SBF2: variants seen among roughly 807,000 people sequenced by gnomAD.
SBF2 encodes myotubularin-related protein 13.
A neutral mutation model predicts 225.2 loss-of-function variants in SBF2; 112 were observed. The ratio of observed to expected loss-of-function variants is 0.50; its 90% CI spans 0.43 to 0.58. The LOEUF (loss-of-function observed/expected upper bound fraction) is 0.58, where lower values mean the gene tolerates loss of function less well. Among genes scored for constraint, SBF2 ranks in the 20% least tolerant of loss-of-function variants. The probability of loss-of-function intolerance (pLI) is 0.00; values close to 1 mark genes in which losing one functional copy is unlikely to be tolerated. For synonymous variants in SBF2, 763 were observed against 773.3 expected (o/e 0.99, Z 0.22); for missense variants, 1,996 against 2,206.2 (o/e 0.90, Z 1.91).
intron 17 of SBF2, among the ~76,000 whole-genome samples, chr11:9,870,802 C>T (rs1328283133): frequency 4.0e-5 from 6 of 151,878 alleles, no homozygotes; most frequent in Admixed American, 6.6e-5. Context: ...GGTGAAACCC[C>T]GGCTCTACTA....
At chr11:9,907,347 T>C (rs1441006449) in intron 16 of SBF2, among the ~76,000 whole-genome samples, 3 of 152,220 alleles carry the variant, frequency 2.0e-5, no homozygotes, top group Admixed American at 6.5e-5. Flanking sequence ...TATCACCTTC[T>C]ATTCCACATC....
At chr11:9,861,883 T>A (rs994969920) in intron 17 of SBF2, among the ~76,000 whole-genome samples, 1 of 152,158 alleles carries the variant, frequency 6.6e-6, no homozygotes, top group Non-Finnish European at 1.5e-5. Flanking sequence ...CAAAAACTAA[T>A]CTAAATAGTT....
At chr11:10,192,271 G>A (rs1474284718) in intron 2 of SBF2, among the ~76,000 whole-genome samples, 1 of 152,024 alleles carries the variant, frequency 6.6e-6, no homozygotes, top group African/African-American at 2.4e-5. Context: ...CATTTTTAAT[G>A]CCAAAATTCA....
intron 16 of SBF2, among the ~76,000 whole-genome samples, chr11:9,905,348 T>C (rs1405675386): frequency 1.3e-5 from 2 of 152,224 alleles, no homozygotes; most frequent in East Asian, 3.8e-4. Context: ...CCTTTTTGAA[T>C]GTCATACAAA....
chr11:9,855,001 C>G (rs1209062051), intron 19 of SBF2, among the ~76,000 whole-genome samples: 2 of 152,090 alleles, frequency 1.3e-5, no homozygotes, highest in Non-Finnish European at 2.9e-5. Context: ...GAATATCTTA[C>G]AAATTAAACA....
chr11:9,843,428 G>T (rs78433228), intron 24 of SBF2, among the ~76,000 whole-genome samples: 1 of 152,208 alleles, frequency 6.6e-6, no homozygotes, highest in Non-Finnish European at 1.5e-5. Flanking sequence ...GGGAAACTAA[G>T]ATGTAATGGA....
rs532230688 is a variant in SBF2, at chr11:10,231,850, T to A, written c.56-37863A>T. On this transcript the variant is annotated intron_variant, in intron 1 of 39. Coordinates refer to ENST00000256190, the MANE Select transcript of SBF2 (RefSeq NM_030962.4). ...TCTTCAAAGCTGTCAGACAGGGACATTTAGGTCTGCAGAGGTTACTGCTGC... is the reference window on the plus strand; with the variant it reads ...TCTTCAAAGCTGTCAGACAGGGACAATTAGGTCTGCAGAGGTTACTGCTGC... Among the ~76,000 whole-genome samples, 3 of 152,180 alleles carry A rather than the reference T, an allele frequency of 2.0e-5. No individual in the cohort carries two copies. In the East Asian group the frequency reaches 5.8e-4, roughly 29 times the overall value.
At chr11:9,964,013 G>A in intron 14 of SBF2, 131 bp from the exon 15 acceptor site, 1 of 641,480 alleles carries the variant, frequency 1.6e-6, no homozygotes, top group East Asian at 2.8e-5. Flanking sequence ...CAATTTGGGA[G>A]GCTGAGGTGG....
At chr11:10,227,296 C>A (rs1591260739) in intron 1 of SBF2, among the ~76,000 whole-genome samples, 1 of 152,118 alleles carries the variant, frequency 6.6e-6, no homozygotes, top group South Asian at 2.1e-4. Flanking sequence ...ATGGTAGTTT[C>A]TTTTGCTGTG....
At chr11:10,128,754 T>C (rs925073816) in intron 2 of SBF2, among the ~76,000 whole-genome samples, 4 of 152,196 alleles carry the variant, frequency 2.6e-5, no homozygotes, top group African/African-American at 9.7e-5. Context: ...ACTCAACTTG[T>C]AGAAAAAAGA....
At chr11:9,867,266 C>T (rs1858305353) in intron 17 of SBF2, among the ~76,000 whole-genome samples, 1 of 151,958 alleles carries the variant, frequency 6.6e-6, no homozygotes, top group African/African-American at 2.4e-5. Flanking sequence ...CTACTATGTA[C>T]CCACAAAAAT....
chr11:10,215,560 C>T (rs1958098226), intron 1 of SBF2, among the ~76,000 whole-genome samples: 1 of 152,078 alleles, frequency 6.6e-6, no homozygotes, highest in South Asian at 2.1e-4. Context: ...GAGGTCAAGG[C>T]TGCTGTGAGC....
chr11:10,008,188 A>C (rs1249959134), intron 6 of SBF2, among the ~76,000 whole-genome samples: 2 of 152,198 alleles, frequency 1.3e-5, no homozygotes, highest in African/African-American at 4.8e-5. Context: ...AAGGGATAAA[A>C]GCTAGCAGAA....
rs375904547 is a variant in SBF2 at position 9,871,470 on chromosome 11, C to CTTATTATTATTATTATTA, written c.1930-13092_1930-13075dup. Among the ~76,000 whole-genome samples, 190 of 136,934 alleles carry CTTATTATTATTATTATTA rather than the reference C, an allele frequency of 1.4e-3. 2 individuals carry two copies. The highest frequency in any genetic ancestry group is 2.3e-3 in the East Asian group (11 of 4,848). The allele number at this position is 136,934 out of a possible 152,430, so 89.8% of individuals were successfully genotyped here. On this transcript the variant is annotated intron_variant, in intron 17 of 39. Coordinates refer to ENST00000256190, the MANE Select transcript of SBF2 (RefSeq NM_030962.4). ...ACACCTCACACCAGACAGGATGACG[C>CTTATTATTATTATTATTA]TTATTATTATTATTATTATTATTAT...
At chr11:10,248,659 A>G (rs1471369994) in intron 1 of SBF2, among the ~76,000 whole-genome samples, 2 of 152,256 alleles carry the variant, frequency 1.3e-5, no homozygotes, top group Admixed American at 6.5e-5. Flanking sequence ...AGAAAGTTAA[A>G]TGTGTTTTTG....
intron 28 of SBF2, among the ~76,000 whole-genome samples, chr11:9,823,602 C>T (rs1017621509): frequency 1.3e-5 from 2 of 151,906 alleles, no homozygotes; most frequent in Non-Finnish European, 2.9e-5. Context: ...TACTGTGAGT[C>T]GGTACAAGGA....
intron 16 of SBF2, among the ~76,000 whole-genome samples, chr11:9,953,436 C>CAA (rs56955039): frequency 7.4e-5 from 11 of 148,314 alleles, no homozygotes; most frequent in East Asian, 4.0e-4. Context: ...GAGTGAGACT[C>CAA]AAAAAAAACG....
At chr11:9,817,945 CTTTA>C (rs1854547542) in intron 28 of SBF2, among the ~76,000 whole-genome samples, 2 of 151,900 alleles carry the variant, frequency 1.3e-5, no homozygotes, top group Middle Eastern at 3.4e-3. Flanking sequence ...AAGCCTATAT[CTTTA>C]TTTTATTTTT....
At chr11:10,130,015 T>C (rs1953956474) in intron 2 of SBF2, among the ~76,000 whole-genome samples, 1 of 150,082 alleles carries the variant, frequency 6.7e-6, no homozygotes, top group Admixed American at 6.6e-5. Context: ...AATCTCAAAA[T>C]ATTAAAAAAG....
Sources: gnomAD v4.1 joint callset for allele counts (sites outside exome capture counted in the v4.1 genomes callset) on GRCh38, gnomAD v4.1.1 for gene constraint, MANE v1.5 for transcripts, NCBI Gene and HGNC (gene_info 2026-07-23, HGNC 2026-07-21) for gene names.